The following ERG variants were observed in gnomAD, a reference collection of about 807,000 sequenced individuals.
The protein encoded by ERG is ETS transcription factor ERG.
In ERG, 9 loss-of-function variants were observed where a neutral mutation model predicts 55.3. The observed-to-expected ratio is 0.16, with a 90% CI of 0.10 to 0.28. The LOEUF (loss-of-function observed/expected upper bound fraction) is 0.28, where lower values mean the gene tolerates loss of function less well. ERG is among the 10% of genes least tolerant of loss of function. The pLI, the probability that ERG is intolerant of heterozygous loss-of-function variation, is 1.00. For missense variants in ERG, 434 were observed against 631.6 expected, an observed-to-expected ratio of 0.69 and a Z score of 3.35; for synonymous variants, 223 against 237.3, an observed-to-expected ratio of 0.94 and a Z score of 0.55.
At chr21:38,509,616 C>A (rs1215305722) in intron 2 of ERG, among the ~76,000 whole-genome samples, 2 of 152,138 alleles carry the variant, frequency 1.3e-5, no homozygotes, top group Non-Finnish European at 2.9e-5. Flanking sequence ...TCACTCTATG[C>A]CTGATACCAG....
At chr21:38,391,186 T>A in intron 8 of ERG, 144 bp from the exon 9 acceptor site, 1 of 698,808 alleles carries the variant, frequency 1.4e-6, no homozygotes. Flanking sequence ...TGCCTCCACC[T>A]CCTCTATGAG....
chr21:38,439,123 C>T (rs546582621), intron 2 of ERG, among the ~76,000 whole-genome samples: 1 of 152,184 alleles, frequency 6.6e-6, no homozygotes, highest in South Asian at 2.1e-4. Flanking sequence ...TGAGTTCCAC[C>T]TGCAGTGAGC....
In ERG at chr21:38,633,431, T is replaced by G. The variant is rs111983558; in HGVS notation, c.-150+28227A>C. Among the ~76,000 whole-genome samples the G allele has an allele frequency of 2.5e-3, 378 of 152,352 alleles. 2 individuals are homozygous for G. Among genetic ancestry groups the G allele is most frequent in the African/African-American group, 8.3e-3 (347 of 41,584 alleles). ...AAATCATTTAAAAAGTGACTCTTCA[T>G]AGAGCTTTTGTATGGATTATATCAG... On this transcript the variant is annotated intron_variant, in intron 1 of 10. Coordinates refer to the ERG transcript ENST00000398910.
intron 3 of ERG, among the ~76,000 whole-genome samples, chr21:38,422,874 A>C (rs1196357868): frequency 6.6e-6 from 1 of 152,206 alleles, no homozygotes; most frequent in African/African-American, 2.4e-5. Flanking sequence ...AGATAAGAGA[A>C]TTTTAAAAAC....
At chr21:38,548,164 G>C (rs146752478) in intron 2 of ERG, among the ~76,000 whole-genome samples, 1 of 152,132 alleles carries the variant, frequency 6.6e-6, no homozygotes, top group Non-Finnish European at 1.5e-5. Flanking sequence ...TTCAATGACA[G>C]CAAAAATTGC....
In ERG at chr21:38,460,261, T is replaced by TGG. The variant is rs368541715; in HGVS notation, c.19-14642_19-14641dup. ...AACCAGGAGGTGAACCAGGAAAGGC[T>TGG]GGGGGTGGTAGAGCCTTGCAGGCCA... On this transcript the variant is annotated intron_variant, in intron 1 of 9. Coordinates refer to ENST00000288319, the MANE Select transcript of ERG (RefSeq NM_182918.4). The surrounding 1 kb of genome is among the most constrained non-coding windows in gnomAD (Gnocchi z 5.0). Among the ~76,000 whole-genome samples, 353 of 152,108 alleles carry TGG rather than the reference T, an allele frequency of 2.3e-3. 2 individuals carry two copies. Among genetic ancestry groups the TGG allele is most frequent in the African/African-American group, 8.2e-3 (342 of 41,490 alleles).
intron 1 of ERG, among the ~76,000 whole-genome samples, chr21:38,446,011 A>T (rs146363398): frequency 6.6e-6 from 1 of 152,146 alleles, no homozygotes; most frequent in East Asian, 1.9e-4. Flanking sequence ...GAGGATTAAA[A>T]AAAAGAAATC....
intron 9 of ERG, among the ~76,000 whole-genome samples, chr21:38,389,512 A>G (rs1313352119): frequency 6.6e-6 from 1 of 151,924 alleles, no homozygotes; most frequent in Non-Finnish European, 1.5e-5. Flanking sequence ...TTCCTGAAGC[A>G]TGACTGATAA....
chr21:38,538,215 G>A (rs543647377), intron 2 of ERG, among the ~76,000 whole-genome samples: 1 of 152,090 alleles, frequency 6.6e-6, no homozygotes, highest in Non-Finnish European at 1.5e-5. Flanking sequence ...GAGTGTCAGT[G>A]TAAGAAAATG....
chr21:38,381,549 C>T lies in ERG; in HGVS notation c.*1854G>A, dbSNP rs1425316916. On this transcript the variant is annotated 3_prime_UTR_variant, in exon 10 of 10. Transcript: ENST00000288319. ...CTGAAAGAGAAACCCCGCAGCAAATCTAGACGTTATCCCTTGTTTCTGTAA... is the reference window on the plus strand; with the variant it reads ...CTGAAAGAGAAACCCCGCAGCAAATTTAGACGTTATCCCTTGTTTCTGTAA... The T allele has an allele frequency of 3.8e-6, 4 of 1,063,908 alleles. No homozygotes were observed. The East Asian group carries it at 1.5e-4, about 40-fold the overall frequency. 65.9% of individuals were successfully genotyped at this position (1,063,908 alleles called of 1,614,324 possible). A position where few individuals can be genotyped will look rare whatever the true frequency, so the allele number is the denominator to read the frequency against.
intron 1 of ERG, among the ~76,000 whole-genome samples, chr21:38,654,097 AT>A (rs1342351113): frequency 6.6e-6 from 1 of 152,236 alleles, no homozygotes; most frequent in African/African-American, 2.4e-5. Flanking sequence ...AATCACTTAT[AT>A]TTACAAGCCT....
intron 1 of ERG, chr21:38,660,383 A>ACGCCCCACCTGTCCCGG (rs1418962132): frequency 1.3e-5 from 2 of 152,090 alleles, no homozygotes; most frequent in African/African-American, 2.4e-5. Flanking sequence ...CCGGCGCTGG[A>ACGCCCCACCTGTCCCGG]CGCCCCACCT....
intron 1 of ERG, among the ~76,000 whole-genome samples, chr21:38,581,973 G>A (rs1024715931): frequency 6.6e-6 from 1 of 151,206 alleles, no homozygotes; most frequent in African/African-American, 2.4e-5. Flanking sequence ...AACCCGGGAG[G>A]AGGAGGTTGC....
intron 2 of ERG, among the ~76,000 whole-genome samples, chr21:38,543,604 C>A (rs2059769027): frequency 6.6e-6 from 1 of 152,104 alleles, no homozygotes; most frequent in Middle Eastern, 3.4e-3. Context: ...AAAATAAAAA[C>A]CCCTGCTCTT....
chr21:38,523,353 T>C (rs773112329), intron 2 of ERG, among the ~76,000 whole-genome samples: 9 of 152,192 alleles, frequency 5.9e-5, no homozygotes, highest in Non-Finnish European at 1.3e-4. Flanking sequence ...TTTTGTAGAA[T>C]CCAGAAAGTA....
intron 2 of ERG, among the ~76,000 whole-genome samples, chr21:38,505,790 T>C (rs1308562307): frequency 6.6e-6 from 1 of 152,162 alleles, no homozygotes; most frequent in Admixed American, 6.5e-5. Context: ...CTACACTGCA[T>C]TGTTGACTTG....
At position 38,381,852 on chromosome 21, in the gene ERG, A is replaced by G. The variant is rs1024460491; in HGVS notation, c.*1551T>C. ...AATAAAAGACAGGAGGGGAGGCAAG[A>G]AGGACCTGGAGAGGCTGACGCCATT... On this transcript the variant is annotated 3_prime_UTR_variant, in exon 10 of 10. Transcript: ENST00000288319. The G allele has an allele frequency of 9.4e-7, 1 of 1,063,662 alleles. No individual in the cohort carries two copies. The highest frequency in any genetic ancestry group is 1.6e-5 in the African/African-American group (1 of 61,008). 65.9% of individuals were successfully genotyped at this position (1,063,662 alleles called of 1,614,324 possible).
chr21:38,573,080 T>A (rs1199498057), intron 2 of ERG, among the ~76,000 whole-genome samples: 1 of 152,376 alleles, frequency 6.6e-6, no homozygotes, highest in East Asian at 1.9e-4. Context: ...GATCTAGGGC[T>A]GTGCAGGACG....
intron 1 of ERG, among the ~76,000 whole-genome samples, chr21:38,584,252 C>A (rs931369465): frequency 6.6e-6 from 1 of 152,148 alleles, no homozygotes; most frequent in Non-Finnish European, 1.5e-5. Context: ...CAGGGGAGCC[C>A]TAGCATTCCA....
Sources: allele counts gnomAD v4.1 joint callset (sites outside exome capture counted in the v4.1 genomes callset), GRCh38; gene constraint gnomAD v4.1.1; non-coding constraint Gnocchi (gnomAD v3.1); transcripts MANE v1.5; gene names NCBI Gene and HGNC (gene_info 2026-07-23, HGNC 2026-07-21).